BRD7: variants seen among roughly 807,000 people sequenced by gnomAD.
The protein encoded by BRD7 is bromodomain containing 7.
A neutral mutation model predicts 82.1 loss-of-function variants in BRD7; 15 were observed. The observed-to-expected ratio is 0.18, with a 90% CI of 0.12 to 0.28. BRD7 has a LOEUF of 0.28. Among genes scored for constraint, BRD7 ranks in the 10% least tolerant of loss-of-function variants. BRD7 has a pLI of 1.00. For missense variants in BRD7, 638 were observed against 779.9 expected (o/e 0.82, Z 2.17); for synonymous variants, 232 against 266.9 (o/e 0.87, Z 1.27).
At chr16:50,333,539 G>A in intron 8 of BRD7, 35 bp downstream of exon 8, 2 of 1,600,252 alleles carry the variant, frequency 1.2e-6, no homozygotes, top group Non-Finnish European at 1.7e-6. Context: ...CCCCAAATCA[G>A]TAGGTAGAGA....
chr16:50,344,389 C>T (rs760795931), intron 5 of BRD7, among the ~76,000 whole-genome samples: 10 of 152,120 alleles, frequency 6.6e-5, no homozygotes, highest in Non-Finnish European at 1.2e-4. Context: ...TTGCCAGCAA[C>T]GGAACAAAGC....
At chr16:50,350,390 T>C (rs938356067) in intron 4 of BRD7, among the ~76,000 whole-genome samples, 1 of 152,216 alleles carries the variant, frequency 6.6e-6, no homozygotes, top group African/African-American at 2.4e-5. Flanking sequence ...GAGATTTCTT[T>C]CTTTTAAAAT....
chr16:50,341,676 G>C (rs1340301697), intron 5 of BRD7, among the ~76,000 whole-genome samples: 1 of 150,144 alleles, frequency 6.7e-6, no homozygotes, highest in Non-Finnish European at 1.5e-5. Context: ...TATGTATTTG[G>C]GGGGATGGGA....
chr16:50,329,353 C>T (rs2037463906), intron 8 of BRD7, among the ~76,000 whole-genome samples: 1 of 152,160 alleles, frequency 6.6e-6, no homozygotes, highest in Non-Finnish European at 1.5e-5. Context: ...CATGTATACA[C>T]CTACTTGGCT....
Position 50,320,130 on chromosome 16 carries a change from A to G in BRD7, c.1757-100T>C, listed in dbSNP as rs1278040976. 3 of 474,850 alleles carry G rather than the reference A, an allele frequency of 6.3e-6. No homozygotes were observed. The East Asian group carries it at 1.0e-4, about 16-fold the overall frequency. 29.4% of individuals were successfully genotyped at this position (474,850 alleles called of 1,614,324 possible). A position where few individuals can be genotyped will look rare whatever the true frequency, so the allele number is the denominator to read the frequency against. On this transcript the variant is annotated intron_variant, in intron 15 of 16. Transcript: ENST00000394688. ...GTACACATGCAAAGAAAACAAAACA[A>G]AAAAACTGTCCCTGGGATTCACATC...
Position 50,333,746 on chromosome 16 carries a change from G to T in BRD7, c.888-49C>A, listed in dbSNP as rs370396123. 6 of 1,378,130 alleles carry T rather than the reference G, an allele frequency of 4.4e-6. No homozygotes were observed. In the African/African-American group the frequency reaches 8.8e-5, roughly 20 times the overall value. 85.4% of individuals were successfully genotyped at this position (1,378,130 alleles called of 1,614,324 possible). On this transcript the variant is annotated intron_variant, in intron 7 of 16. Coordinates refer to ENST00000394688, the MANE Select transcript of BRD7 (RefSeq NM_013263.5). ...GTAAAAAAAAAACAAAGATAAGTAA[G>T]ATGAAAACATTCAAATGAATTCTAA...
intron 5 of BRD7, among the ~76,000 whole-genome samples, chr16:50,342,297 CTATT>C (rs931871364): frequency 6.6e-6 from 1 of 152,066 alleles, no homozygotes; most frequent in Non-Finnish European, 1.5e-5. Context: ...GGAAAAGTTT[CTATT>C]TCTCGAAATA....
intron 6 of BRD7, among the ~76,000 whole-genome samples, chr16:50,339,488 A>G (rs1264509692): frequency 6.6e-6 from 1 of 152,250 alleles, no homozygotes; most frequent in Admixed American, 6.5e-5. Flanking sequence ...ATATAACAAA[A>G]GTACAGTAAA....
chr16:50,339,913 A>C, intron 6 of BRD7, 63 bp downstream of exon 6: 5 of 939,392 alleles, frequency 5.3e-6, no homozygotes, highest in Non-Finnish European at 8.2e-6. Context: ...CTGTATTACT[A>C]TGGCCAACAA....
rs558797079 is a variant in BRD7 at position 50,341,406 on chromosome 16, C to T, written c.592-1320G>A. On this transcript the variant is annotated intron_variant, in intron 5 of 16. Coordinates refer to ENST00000394688, the MANE Select transcript of BRD7 (RefSeq NM_013263.5). ...TTATAATTCTAGCACTTTGGGAGGC[C>T]GAGGCAGGTGGACTGCTTGAGCCCA... Among the ~76,000 whole-genome samples, 7 of 150,714 alleles carry T rather than the reference C, an allele frequency of 4.6e-5. No homozygotes were observed. The South Asian group carries it at 6.3e-4, about 14-fold the overall frequency.
intron 12 of BRD7, among the ~76,000 whole-genome samples, chr16:50,322,930 A>G (rs1380844187): frequency 2.0e-5 from 3 of 152,206 alleles, no homozygotes; most frequent in Non-Finnish European, 4.4e-5. Context: ...CCCAGCAACC[A>G]TATGTGCAGT....
intron 2 of BRD7, 29 bp from the exon 3 acceptor site, chr16:50,354,951 A>T (rs2038676239): frequency 6.2e-7 from 1 of 1,605,750 alleles, no homozygotes; most frequent in Non-Finnish European, 8.5e-7. Context: ...GATAATTTAG[A>T]AATATTTCAG....
intron 9 of BRD7, among the ~76,000 whole-genome samples, chr16:50,326,705 T>C (rs1353871022): frequency 1.3e-5 from 2 of 152,164 alleles, no homozygotes; most frequent in East Asian, 1.9e-4. Flanking sequence ...GCTGGGACTT[T>C]TAATGTTAAG....
At chr16:50,357,031 T>C (rs1316928762) in intron 2 of BRD7, among the ~76,000 whole-genome samples, 1 of 152,184 alleles carries the variant, frequency 6.6e-6, no homozygotes, top group African/African-American at 2.4e-5. Flanking sequence ...ATCAGGATTA[T>C]TTAGGATTTT....
Position 50,330,814 on chromosome 16 carries a change from C to T in BRD7, c.1012-2070G>A, listed in dbSNP as rs185306551. Among the ~76,000 whole-genome samples, 4 of 152,018 alleles carry T rather than the reference C, an allele frequency of 2.6e-5. No individual in the cohort carries two copies. The East Asian group carries it at 7.7e-4, about 29-fold the overall frequency. ...GGTAAATAAAACTAGTTTCAAAATT[C>T]TCTTCAGTAATTTTAAATCTTAAAG... On this transcript the variant is annotated intron_variant, in intron 8 of 16. Transcript: ENST00000394688.
chr16:50,364,106 A>G (rs972975561), intron 2 of BRD7, among the ~76,000 whole-genome samples: 1 of 151,842 alleles, frequency 6.6e-6, no homozygotes, highest in African/African-American at 2.4e-5. Context: ...CGGTCTCCCT[A>G]TCAGCTAAGG....
chr16:50,336,477 G>A (rs1350376400), intron 6 of BRD7, among the ~76,000 whole-genome samples: 1 of 152,070 alleles, frequency 6.6e-6, no homozygotes, highest in African/African-American at 2.4e-5. Context: ...CATTAGAATC[G>A]CTTGAACCCG....
In BRD7 at chr16:50,317,668, A is replaced by C. The variant is rs906974938; in HGVS notation, c.*1543T>G. ...TAGTTTTCAGTGTTCAGGTTATAGA[A>C]TATAACTGACCATAAAAATTACCTG... is the stretch of plus-strand genomic sequence containing the variant. On this transcript the variant is annotated 3_prime_UTR_variant, in exon 17 of 17. Transcript: ENST00000394688. The C allele has an allele frequency of 3.3e-5, 5 of 152,340 alleles. No individual in the cohort carries two copies. The highest frequency in any genetic ancestry group is 1.2e-4 in the African/African-American group (5 of 41,442). The allele number at this position is 152,340 out of a possible 1,614,324, so 9.4% of individuals were successfully genotyped here.
chr16:50,325,689 C>A, intron 11 of BRD7, 59 bp downstream of exon 11: 1 of 1,456,792 alleles, frequency 6.9e-7, no homozygotes, highest in Non-Finnish European at 9.2e-7. Flanking sequence ...ATCCACAAAT[C>A]ATGTATGTAC....
Sources: gnomAD v4.1 joint callset for allele counts (sites outside exome capture counted in the v4.1 genomes callset) on GRCh38, gnomAD v4.1.1 for gene constraint, MANE v1.5 for transcripts, NCBI Gene and HGNC (gene_info 2026-07-23, HGNC 2026-07-21) for gene names.